CEP57L1: variants seen among roughly 807,000 people sequenced by gnomAD.
CEP57L1 encodes centrosomal protein CEP57L1.
CEP57L1 carries 37 observed loss-of-function variants against 61.0 expected under a neutral mutation model. That is an observed-to-expected ratio of 0.61 (90% CI 0.47 to 0.80). The LOEUF (loss-of-function observed/expected upper bound fraction) is 0.80. Ranked by LOEUF, CEP57L1 falls within the 30% of genes least tolerant of loss-of-function variation. The pLI is 0.00. For missense variants in CEP57L1, 422 were observed against 524.7 expected (o/e 0.80, Z 1.91); for synonymous variants, 137 against 162.3 (o/e 0.84, Z 1.19).
chr6:109,146,803 T>G lies in CEP57L1; in HGVS notation c.206T>G (p.Leu69Ter), dbSNP rs933797928. ...ACTCTTCAGGAAAAAATTCATCGTT[T>G]AGAGCTGGAGAGAACACAAGCTGAA... ...LKTLQEKIHR[L>*]ELERTQAEDN... Residue 69 changes from leucine to a stop codon, truncating the protein, a stop_gained, in exon 3 of 11, where the codon TTA becomes TGA. Coordinates refer to ENST00000517392, the MANE Select transcript of CEP57L1 (RefSeq NM_001271852.3). LOFTEE classifies it high-confidence loss of function. The G allele has an allele frequency of 6.3e-7, 1 of 1,599,656 alleles. No homozygotes were observed. The highest frequency in any genetic ancestry group is 8.5e-7 in the Non-Finnish European group (1 of 1,174,714).
chr6:109,141,545 T>C (rs1007274164), intron 1 of CEP57L1, among the ~76,000 whole-genome samples: 2 of 152,128 alleles, frequency 1.3e-5, no homozygotes, highest in South Asian at 4.1e-4. Flanking sequence ...CCCATTGAAG[T>C]ATTTATGTTA....
At chr6:109,141,646 AATT>A (rs1771396582) in intron 1 of CEP57L1, among the ~76,000 whole-genome samples, 1 of 151,846 alleles carries the variant, frequency 6.6e-6, no homozygotes, top group African/African-American at 2.4e-5. Context: ...TACATTATAT[AATT>A]ATTATGGGAT....
At chr6:109,124,144 C>G (rs961274736) in intron 1 of CEP57L1, among the ~76,000 whole-genome samples, 13 of 151,974 alleles carry the variant, frequency 8.6e-5, no homozygotes, top group African/African-American at 3.1e-4. Flanking sequence ...AGCCTCCTAC[C>G]TGTACTTTGA....
chr6:109,151,622 T>G (rs1484629847), intron 4 of CEP57L1, among the ~76,000 whole-genome samples: 2 of 152,202 alleles, frequency 1.3e-5, no homozygotes, highest in East Asian at 1.9e-4. Flanking sequence ...CCATTTTCTG[T>G]GCTTTTTATT....
rs1395424437 is a variant in CEP57L1 at position 109,169,165 on chromosome 6, G to A, written c.*6195G>A. 6.8e-6 allele frequency among the ~76,000 whole-genome samples: 1 copy of A among 147,232 alleles called. No individual in the cohort carries two copies. Among genetic ancestry groups the A allele is most frequent in the Non-Finnish European group, 1.5e-5 (1 of 67,208 alleles). Reference sequence around the variant, plus strand: ...TGCTTGAACCAGGGAGGCGGAGGTTGCAGTAAGCTGAGATTGTGCCACTGC... The same window carrying A: ...TGCTTGAACCAGGGAGGCGGAGGTTACAGTAAGCTGAGATTGTGCCACTGC... On this transcript the variant is annotated 3_prime_UTR_variant, in exon 11 of 11. Transcript: ENST00000517392.
rs910380995 is a variant in CEP57L1, at chr6:109,165,460, C to T, written c.*2490C>T. Among the ~76,000 whole-genome samples the T allele has an allele frequency of 6.6e-6, 1 of 151,502 alleles. No individual in the cohort carries two copies. The highest frequency in any genetic ancestry group is 1.5e-5 in the Non-Finnish European group (1 of 67,936). On this transcript the variant is annotated 3_prime_UTR_variant, in exon 11 of 11. Transcript: ENST00000517392. ...GAACACATGTTTGCATGGGTTGAAG[C>T]CTAAAAGCAAACACCTAAATATATT...
At chr6:109,144,529 G>C (rs1771754226) in intron 1 of CEP57L1, among the ~76,000 whole-genome samples, 1 of 151,828 alleles carries the variant, frequency 6.6e-6, no homozygotes, top group African/African-American at 2.4e-5. Flanking sequence ...AAAATTATTT[G>C]GAAATTTTAG....
intron 1 of CEP57L1, among the ~76,000 whole-genome samples, chr6:109,144,878 G>T (rs1025266619): frequency 2.0e-5 from 3 of 151,966 alleles, no homozygotes; most frequent in Admixed American, 2.0e-4. Flanking sequence ...TTAAATCCTA[G>T]AGTCACACTG....
chr6:109,132,478 G>A (rs1164142975), intron 1 of CEP57L1, among the ~76,000 whole-genome samples: 2 of 152,148 alleles, frequency 1.3e-5, no homozygotes, highest in African/African-American at 4.8e-5. Flanking sequence ...AGGACATTGT[G>A]TAAATATACC....
chr6:109,145,732 G>T (rs1771890566), intron 2 of CEP57L1, among the ~76,000 whole-genome samples: 3 of 151,828 alleles, frequency 2.0e-5, no homozygotes, highest in Admixed American at 6.6e-5. Context: ...TCTTATTCAA[G>T]AATTAGATTC....
chr6:109,128,566 T>C (rs1469350955), intron 1 of CEP57L1, among the ~76,000 whole-genome samples: 1 of 152,232 alleles, frequency 6.6e-6, no homozygotes, highest in Non-Finnish European at 1.5e-5. Flanking sequence ...AATGCAAACC[T>C]GGTCATGTTA....
At position 109,162,834 on chromosome 6, in the gene CEP57L1, C is replaced by G. The variant is rs771112177; in HGVS notation, c.1247C>G (p.Ser416Ter). The change falls in exon 11 of 11, where the codon TCA becomes TGA. Residue 416 changes from serine (S) to a stop codon, truncating the protein, a stop_gained. Coordinates refer to ENST00000517392, the MANE Select transcript of CEP57L1 (RefSeq NM_001271852.3). LOFTEE classifies it high-confidence loss of function. The part of the protein sequence containing the change: ...IQQEDSYPKG[S>*]KNIKNSPRKC... Reference sequence around the variant, plus strand: ...CAAGAAGACAGCTACCCTAAAGGATCAAAGAACATAAAAAATAGCCCCAGA... The same window carrying G: ...CAAGAAGACAGCTACCCTAAAGGATGAAAGAACATAAAAAATAGCCCCAGA... 1 of 1,613,112 alleles carries G rather than the reference C, an allele frequency of 6.2e-7. No individual in the cohort carries two copies. Among genetic ancestry groups the G allele is most frequent in the Non-Finnish European group, 8.5e-7 (1 of 1,179,488 alleles).
At chr6:109,146,041 A>G (rs1326074361) in intron 2 of CEP57L1, among the ~76,000 whole-genome samples, 2 of 151,956 alleles carry the variant, frequency 1.3e-5, no homozygotes, top group African/African-American at 2.4e-5. Flanking sequence ...CCAGCTACAG[A>G]TATCATGTAA....
chr6:109,128,231 T>C (rs1378212113), intron 1 of CEP57L1, among the ~76,000 whole-genome samples: 1 of 152,158 alleles, frequency 6.6e-6, no homozygotes, highest in East Asian at 1.9e-4. Context: ...CAGAATTCAT[T>C]ATTTCCCTAA....
chr6:109,149,711 G>A (rs1255061821), intron 3 of CEP57L1, among the ~76,000 whole-genome samples: 1 of 152,152 alleles, frequency 6.6e-6, no homozygotes, highest in African/African-American at 2.4e-5. Context: ...ACTTTGGGCA[G>A]TATGGCCATT....
At position 109,172,472 on chromosome 6, in the gene CEP57L1, A is replaced by G. The variant is rs562201676; in HGVS notation, c.*9502A>G. Among the ~76,000 whole-genome samples the G allele has an allele frequency of 5.3e-5, 8 of 152,360 alleles. No individual in the cohort carries two copies. The highest frequency in any genetic ancestry group is 1.7e-4 in the African/African-American group (7 of 41,596). ...GTAAATTAAAACATTCATATCAGGC[A>G]GGATAGTCCAAGGACTTAGAGGTTA... On this transcript the variant is annotated 3_prime_UTR_variant, in exon 11 of 11. Coordinates refer to ENST00000517392, the MANE Select transcript of CEP57L1 (RefSeq NM_001271852.3).
intron 1 of CEP57L1, among the ~76,000 whole-genome samples, chr6:109,116,132 A>ATTTTATTTTATG: frequency 2.3e-5 from 1 of 42,746 alleles, no homozygotes; most frequent in African/African-American, 9.2e-5. Context: ...GTGTTGTGTT[A>ATTTTATTTTATG]TGTTATGTTA....
At position 109,164,628 on chromosome 6, in the gene CEP57L1, T is replaced by TTGCTAAACTTTTTAGCTTTC. The variant is rs1773971560; in HGVS notation, c.*1664_*1683dup. ...AGTTTTATAGCTTAAGCTTAGCTTT[T>TTGCTAAACTTTTTAGCTTTC]TGCTAAACTTTTTAGCTTTCTGCTA... On this transcript the variant is annotated 3_prime_UTR_variant, in exon 11 of 11. Coordinates refer to ENST00000517392, the MANE Select transcript of CEP57L1 (RefSeq NM_001271852.3). Among the ~76,000 whole-genome samples, 2 of 152,178 alleles carry TTGCTAAACTTTTTAGCTTTC rather than the reference T, an allele frequency of 1.3e-5. No individual in the cohort carries two copies. The highest frequency in any genetic ancestry group is 2.4e-5 in the African/African-American group (1 of 41,444).
chr6:109,095,374 C>G, upstream of CEP57L1: 24 of 985,896 alleles, frequency 2.4e-5, no homozygotes, highest in Non-Finnish European at 2.9e-5. Context: ...AAAGTAGTGA[C>G]GGCCTCTTCA....
Sources: gnomAD v4.1 joint callset for allele counts (sites outside exome capture counted in the v4.1 genomes callset) on GRCh38, gnomAD v4.1.1 for gene constraint, MANE v1.5 for transcripts, NCBI Gene and HGNC (gene_info 2026-07-23, HGNC 2026-07-21) for gene names.